Variants in PLXNA4 observed in about 807,000 individuals in gnomAD.
The protein encoded by PLXNA4 is plexin A4.
In PLXNA4, 44 loss-of-function variants were observed where a neutral mutation model predicts 191.8. The observed-to-expected ratio is 0.23, with a 90% CI of 0.18 to 0.29. The LOEUF is 0.29. PLXNA4 is among the 10% of genes least tolerant of loss of function. The pLI is 1.00. For missense variants in PLXNA4, 1,800 were observed against 2,488.8 expected (o/e 0.72, Z 5.89); for synonymous variants, 1,082 against 1,009.5 (o/e 1.07, Z -1.36).
chr7:132,146,722 C>G, intron 27 of PLXNA4, 22 bp from the exon 28 acceptor site: 11 of 1,612,750 alleles, frequency 6.8e-6, no homozygotes, highest in Non-Finnish European at 9.3e-6. Context: ...AGGATCACCC[C>G]CCGACATATG....
intron 3 of PLXNA4, among the ~76,000 whole-genome samples, chr7:132,461,490 C>T (rs984427836): frequency 1.3e-5 from 2 of 152,182 alleles, no homozygotes; most frequent in African/African-American, 4.8e-5. Flanking sequence ...ACAGAGCAGA[C>T]ATCTTGATGA....
intron 31 of PLXNA4, 112 bp downstream of exon 31, chr7:132,132,937 C>A: frequency 6.8e-7 from 1 of 1,467,150 alleles, no homozygotes. Context: ...GTGGTTCCCC[C>A]AGCAGAGGTG....
chr7:132,556,933 C>CA (rs1477987166), intron 1 of PLXNA4, among the ~76,000 whole-genome samples: 1 of 152,092 alleles, frequency 6.6e-6, no homozygotes, highest in Non-Finnish European at 1.5e-5. Context: ...GAAACAGGGT[C>CA]AAAACTGGAA....
chr7:132,294,383 G>A (rs771590321), intron 4 of PLXNA4, among the ~76,000 whole-genome samples: 11 of 152,236 alleles, frequency 7.2e-5, no homozygotes, highest in Non-Finnish European at 1.2e-4. Flanking sequence ...AGAGCGGCAG[G>A]TGATGAGCTT....
intron 3 of PLXNA4, among the ~76,000 whole-genome samples, chr7:132,305,495 C>A (rs376255252): frequency 6.6e-6 from 1 of 152,136 alleles, no homozygotes; most frequent in Non-Finnish European, 1.5e-5. Context: ...TTTCCTCCAG[C>A]CCTGCTGGCC....
At chr7:132,536,538 A>T (rs538188640) in intron 1 of PLXNA4, among the ~76,000 whole-genome samples, 1 of 152,158 alleles carries the variant, frequency 6.6e-6, no homozygotes, top group Non-Finnish European at 1.5e-5. Flanking sequence ...CAGGGCCCCC[A>T]TGTGGCACCG....
intron 4 of PLXNA4, among the ~76,000 whole-genome samples, chr7:132,291,673 C>A (rs1039092802): frequency 6.6e-6 from 1 of 152,168 alleles, no homozygotes; most frequent in African/African-American, 2.4e-5. Flanking sequence ...ATAATCCTTA[C>A]CCTGCATGTC....
chr7:132,382,781 G>A (rs533386605), intron 3 of PLXNA4, among the ~76,000 whole-genome samples: 2 of 152,244 alleles, frequency 1.3e-5, no homozygotes, highest in African/African-American at 4.8e-5. Context: ...TATATTGTCT[G>A]AGCTACCAAT....
chr7:132,408,348 G>C (rs1563082263), intron 3 of PLXNA4, among the ~76,000 whole-genome samples: 1 of 152,184 alleles, frequency 6.6e-6, no homozygotes, highest in South Asian at 2.1e-4. Flanking sequence ...TGCAGGCGGT[G>C]GCATTCTGGG....
intron 1 of PLXNA4, among the ~76,000 whole-genome samples, chr7:132,565,018 T>G (rs1801652125): frequency 6.6e-6 from 1 of 152,190 alleles, no homozygotes; most frequent in South Asian, 2.1e-4. Context: ...TTTTATCCCT[T>G]ACACCTCCTC....
At position 132,127,977 on chromosome 7, in the gene PLXNA4, TTC is replaced by T. The variant is rs1175506853; in HGVS notation, c.*2500_*2501del. ...TTTTTTTTTCTGCTTGTTTGATTTT[TTC>T]TCTTAACTGTGCAAAAAAAAAAAAA... On this transcript the variant is annotated 3_prime_UTR_variant, in exon 32 of 32. Transcript: ENST00000321063. The T allele has an allele frequency of 7.6e-6, 1 of 132,190 alleles. No individual in the cohort carries two copies. Among genetic ancestry groups the T allele is most frequent in the Non-Finnish European group, 1.5e-5 (1 of 64,890 alleles). 8.2% of individuals were successfully genotyped at this position (132,190 alleles called of 1,614,324 possible).
intron 2 of PLXNA4, among the ~76,000 whole-genome samples, chr7:132,507,172 C>T (rs1407651192): frequency 6.6e-6 from 1 of 152,152 alleles, no homozygotes; most frequent in Non-Finnish European, 1.5e-5. Flanking sequence ...GTGATCTAGA[C>T]TCCAGCCATG....
At chr7:132,529,669 G>A (rs1206755429) in intron 1 of PLXNA4, among the ~76,000 whole-genome samples, 3 of 149,380 alleles carry the variant, frequency 2.0e-5, no homozygotes, top group Admixed American at 6.7e-5. Flanking sequence ...GCAGTGGTGC[G>A]ATCTCGGCTC....
chr7:132,157,217 T>C (rs530441774), intron 25 of PLXNA4, among the ~76,000 whole-genome samples: 4 of 152,320 alleles, frequency 2.6e-5, no homozygotes, highest in African/African-American at 9.6e-5. Context: ...GGGTAGCCTT[T>C]CTCTGGCTTG....
chr7:132,133,190 T>A lies in PLXNA4; in HGVS notation c.5448A>T (p.Ser1816=). ...TGATGGCTGGCATCTTCCCTATGTC[T>A]GAGTAATACCTGTGGAGGGATGGAA... ...SYKNWVERYY[S]DIGKMPAISD... The change falls in exon 31 of 32, where the codon TCA becomes TCT. Residue 1816 remains serine (S), a synonymous_variant. Coordinates refer to ENST00000321063, the MANE Select transcript of PLXNA4 (RefSeq NM_020911.2). 1 of 1,614,074 alleles carries A rather than the reference T, an allele frequency of 6.2e-7. No homozygotes were observed.
intron 4 of PLXNA4, among the ~76,000 whole-genome samples, chr7:132,274,464 C>T (rs1351502451): frequency 6.6e-6 from 1 of 152,104 alleles, no homozygotes; most frequent in Admixed American, 6.5e-5. Flanking sequence ...AATACCACGA[C>T]CTAAGCTCTA....
chr7:132,350,733 T>A (rs1302525337), intron 3 of PLXNA4, among the ~76,000 whole-genome samples: 1 of 152,168 alleles, frequency 6.6e-6, no homozygotes, highest in Non-Finnish European at 1.5e-5. Context: ...GCCTGGCACC[T>A]TCTCAAGTGG....
At chr7:132,612,403 G>A (rs190675581) in intron 2 of PLXNA4, among the ~76,000 whole-genome samples, 1 of 152,256 alleles carries the variant, frequency 6.6e-6, no homozygotes, top group East Asian at 1.9e-4. Context: ...GCTCATGACT[G>A]TAATCCCAGC....
chr7:132,429,619 A>G (rs1046096853), intron 3 of PLXNA4, among the ~76,000 whole-genome samples: 7 of 152,214 alleles, frequency 4.6e-5, no homozygotes, highest in African/African-American at 1.4e-4. Flanking sequence ...TTCAAAACAT[A>G]AAAATCATTC....
Sources: allele counts gnomAD v4.1 joint callset (sites outside exome capture counted in the v4.1 genomes callset), GRCh38; gene constraint gnomAD v4.1.1; transcripts MANE v1.5; gene names NCBI Gene and HGNC (gene_info 2026-07-23, HGNC 2026-07-21).